The following ITPK1 variants were observed in gnomAD, a reference collection of about 807,000 sequenced individuals.
ITPK1 encodes the protein inositol 1,3,4-trisphosphate 5/6-kinase.
Under a neutral mutation model 45.3 loss-of-function variants are expected in ITPK1, and 21 were observed. The ratio of observed to expected loss-of-function variants is 0.46; its 90% CI spans 0.33 to 0.67. The LOEUF is 0.67. Among genes scored for constraint, ITPK1 ranks in the 30% least tolerant of loss-of-function variants. ITPK1 has a pLI of 0.02. For missense variants in ITPK1, 474 were observed against 573.5 expected (o/e 0.83, Z 1.77); for synonymous variants, 258 against 253.6 (o/e 1.02, Z -0.16).
At chr14:93,115,038 C>A (rs1595231060) in intron 2 of ITPK1, 31 bp downstream of exon 2, 1 of 1,467,338 alleles carries the variant, frequency 6.8e-7, no homozygotes, top group Non-Finnish European at 9.3e-7. Context: ...GGCCGGGGGT[C>A]CCCGGGCGCC....
At chr14:93,109,829 C>T (rs1001410300) in intron 2 of ITPK1, among the ~76,000 whole-genome samples, 6 of 152,218 alleles carry the variant, frequency 3.9e-5, no homozygotes, top group African/African-American at 1.4e-4. Flanking sequence ...GTTCAGCCAT[C>T]GTGGCCTTCA....
intron 2 of ITPK1, among the ~76,000 whole-genome samples, chr14:93,108,908 G>A (rs1892629131): frequency 6.6e-6 from 1 of 152,204 alleles, no homozygotes; most frequent in African/African-American, 2.4e-5. Context: ...AGCTACTCGG[G>A]AGGCTAAGAC....
rs1350205566 is a variant in ITPK1, at chr14:92,951,993, T to A, written c.691A>T (p.Asn231Tyr). Reference sequence around the variant, plus strand: ...TCCGGCTTTGACACGTTGTGGCTGTTGAAGAAGATGGACTCACGGTCTGAA... The same window carrying A: ...TCCGGCTTTGACACGTTGTGGCTGTAGAAGAAGATGGACTCACGGTCTGAA... ...GTSDRESIFF[N>Y]SHNVSKPESS... Residue 231 changes from asparagine (N) to tyrosine (Y), a missense_variant, in exon 9 of 11, where the codon AAC (asparagine) becomes TAC (tyrosine). Asn to Tyr is a moderately radical substitution (Grantham distance 143). Around this residue, in one of 2 missense-constraint regions of ITPK1, gnomAD observed 367 missense variants for 480.6 expected, o/e 0.76. Transcript: ENST00000267615. 1 of 1,574,764 alleles carries A rather than the reference T, an allele frequency of 6.4e-7. No individual in the cohort carries two copies. The highest frequency in any genetic ancestry group is 8.6e-7 in the Non-Finnish European group (1 of 1,159,840).
chr14:92,984,908 CA>C (rs1886419916), intron 5 of ITPK1, among the ~76,000 whole-genome samples: 1 of 152,180 alleles, frequency 6.6e-6, no homozygotes, highest in Non-Finnish European at 1.5e-5. Flanking sequence ...AGACAGTCTG[CA>C]AAGAATCCTC....
At chr14:93,075,200 G>A (rs752149491) in intron 3 of ITPK1, among the ~76,000 whole-genome samples, 25 of 151,558 alleles carry the variant, frequency 1.6e-4, no homozygotes, top group Non-Finnish European at 3.1e-4. Context: ...GGTGGCACAC[G>A]CCTCTAATCC....
chr14:92,979,697 G>T (rs1046400466), intron 5 of ITPK1, among the ~76,000 whole-genome samples: 1 of 152,036 alleles, frequency 6.6e-6, no homozygotes, highest in Non-Finnish European at 1.5e-5. Context: ...CGCCATGATT[G>T]TAAGTTTCCT....
intron 5 of ITPK1, among the ~76,000 whole-genome samples, chr14:92,971,042 C>A (rs1288211082): frequency 6.6e-6 from 1 of 152,134 alleles, no homozygotes; most frequent in Admixed American, 6.5e-5. Flanking sequence ...CCTCCCAGCA[C>A]CAACCCATGG....
chr14:93,058,333 G>A (rs1890297017), intron 3 of ITPK1, among the ~76,000 whole-genome samples: 1 of 148,184 alleles, frequency 6.7e-6, no homozygotes, highest in Non-Finnish European at 1.5e-5. Flanking sequence ...CAGAGGCCAC[G>A]GGACACATTG....
chr14:92,954,836 T>G (rs539591016), intron 8 of ITPK1, among the ~76,000 whole-genome samples: 1 of 152,268 alleles, frequency 6.6e-6, no homozygotes, highest in Admixed American at 6.5e-5. Flanking sequence ...ATGAGTATCA[T>G]CTCTGCAGAG....
chr14:93,079,586 T>C (rs1040563582), intron 2 of ITPK1, among the ~76,000 whole-genome samples: 1 of 151,996 alleles, frequency 6.6e-6, no homozygotes, highest in Non-Finnish European at 1.5e-5. Context: ...GACCAGGAGG[T>C]GGCAGCGGAA....
At chr14:92,999,741 T>C (rs191106088) in intron 4 of ITPK1, among the ~76,000 whole-genome samples, 2 of 152,320 alleles carry the variant, frequency 1.3e-5, no homozygotes, top group Admixed American at 1.3e-4. Context: ...TGTTCCTACC[T>C]CATAGGATTT....
At chr14:93,017,746 C>T (rs928640157) in intron 3 of ITPK1, among the ~76,000 whole-genome samples, 1 of 152,260 alleles carries the variant, frequency 6.6e-6, no homozygotes, top group Non-Finnish European at 1.5e-5. Flanking sequence ...TCCCCACCCC[C>T]AAGTGGGTTT....
intron 2 of ITPK1, among the ~76,000 whole-genome samples, chr14:93,096,735 T>C (rs1481475029): frequency 1.3e-5 from 2 of 152,182 alleles, no homozygotes; most frequent in Admixed American, 1.3e-4. Context: ...TTCAAGAATG[T>C]AGGGGCTCGA....
intron 3 of ITPK1, among the ~76,000 whole-genome samples, chr14:93,075,328 A>C (rs1441412728): frequency 3.2e-4 from 2 of 6,270 alleles, no homozygotes; most frequent in Non-Finnish European, 5.5e-4. Flanking sequence ...CTCCTTCTCA[A>C]AAAAAAAAAA....
chr14:92,968,329 CA>C (rs574404606), intron 5 of ITPK1, among the ~76,000 whole-genome samples: 1 of 144,806 alleles, frequency 6.9e-6, no homozygotes, highest in African/African-American at 2.6e-5. Flanking sequence ...GACTCTGTCT[CA>C]AAAAAAAAAT....
chr14:93,034,145 G>A lies in ITPK1; in HGVS notation c.121-17344C>T, dbSNP rs542746484. Among the ~76,000 whole-genome samples the A allele has an allele frequency of 1.2e-4, 19 of 152,142 alleles. No homozygotes were observed. The East Asian group carries it at 2.5e-3, about 20-fold the overall frequency. On this transcript the variant is annotated intron_variant, in intron 3 of 10. Transcript: ENST00000267615. The surrounding 1 kb of genome is among the most constrained non-coding windows in gnomAD (Gnocchi z 4.1). ...ATGGGTCCCTGGTAAGCCCTGCCCC[G>A]ACACCTTCCTCCCAGGTGCCCTCCC...
At chr14:93,053,924 T>G (rs1482077199) in intron 3 of ITPK1, among the ~76,000 whole-genome samples, 1 of 152,152 alleles carries the variant, frequency 6.6e-6, no homozygotes, top group Non-Finnish European at 1.5e-5. Flanking sequence ...CAGGTAAAAC[T>G]ACCCAGTTGT....
At position 93,034,708 on chromosome 14, in the gene ITPK1, C is replaced by T. The variant is rs1053386128; in HGVS notation, c.121-17907G>A. 3.9e-5 allele frequency among the ~76,000 whole-genome samples: 6 copies of T among 152,258 alleles called. 1 individual carries two copies. In the East Asian group the frequency reaches 5.8e-4, roughly 15 times the overall value. ...GGAGAAGCAGACACTGAGATGGAAG[C>T]GGCAGCTGTGCCCACTGAGGGAGGG... On this transcript the variant is annotated intron_variant, in intron 3 of 10. Transcript: ENST00000267615. This position sits in a 1 kb window ranked among gnomAD's most constrained non-coding sequence, Gnocchi z 4.1.
chr14:92,955,196 G>A (rs927188681), intron 8 of ITPK1, among the ~76,000 whole-genome samples: 1 of 152,220 alleles, frequency 6.6e-6, no homozygotes, highest in African/African-American at 2.4e-5. Context: ...GAACACAGCC[G>A]TGCCACTCAT....
Sources: gnomAD v4.1 joint callset for allele counts (sites outside exome capture counted in the v4.1 genomes callset) on GRCh38, gnomAD v4.1.1 for gene constraint, gnomAD v4.1.1 regional missense constraint, Gnocchi (gnomAD v3.1) non-coding constraint, MANE v1.5 for transcripts, NCBI Gene and HGNC (gene_info 2026-07-23, HGNC 2026-07-21) for gene names.